APOL1: variants seen among roughly 807,000 people sequenced by gnomAD.
The protein encoded by APOL1 is apolipoprotein L1, also known as apolipoprotein L 1.
APOL1 carries 17 observed loss-of-function variants against 14.9 expected under a neutral mutation model. The observed-to-expected ratio is 1.14, with a 90% CI of 0.78 to 1.71. APOL1 has a LOEUF of 1.71. APOL1 is among the 40% of genes most tolerant of loss of function. The pLI is 0.00. For missense variants in APOL1, 523 were observed against 485.9 expected (o/e 1.08, Z -0.72); for synonymous variants, 195 against 184.8 (o/e 1.05, Z -0.45).
At chr22:36,261,505 A>G in intron 4 of APOL1, 91 bp from the exon 5 acceptor site, 1 of 1,387,974 alleles carries the variant, frequency 7.2e-7, no homozygotes, top group Non-Finnish European at 1.0e-6. Context: ...ACAGCTGTCC[A>G]GGAAAATTAA....
rs766190062 is a variant in APOL1, at chr22:36,265,453, T to C, written c.617T>C (p.Val206Ala). ...CCCTTCACAGAGGGAGGCAGCCTTGTACTCTTGGAACCTGGGATGGAGTTG... is the reference window on the plus strand; with the variant it reads ...CCCTTCACAGAGGGAGGCAGCCTTGCACTCTTGGAACCTGGGATGGAGTTG... ...LAPFTEGGSL[V>A]LLEPGMELGI... Residue 206 changes from valine (V) to alanine (A), a missense_variant, in exon 6 of 6, where the codon GTA becomes GCA. Physicochemically the swap from Val to Ala is moderately conservative, Grantham distance 64 (BLOSUM62 0). Transcript: ENST00000397278. 1 of 1,614,146 alleles carries C rather than the reference T, an allele frequency of 6.2e-7. No homozygotes were observed. Among genetic ancestry groups the C allele is most frequent in the South Asian group, 1.1e-5 (1 of 91,088 alleles).
chr22:36,259,709 C>T, intron 4 of APOL1: 3 of 1,303,788 alleles, frequency 2.3e-6, no homozygotes, highest in Non-Finnish European at 3.0e-6. Context: ...AGCCGTGTAC[C>T]CTGAGACCAG....
At position 36,265,690 on chromosome 22, in the gene APOL1, C is replaced by T. The variant is rs1355038299; in HGVS notation, c.854C>T (p.Ala285Val). The change falls in exon 6 of 6, where the codon GCC becomes GTC. Residue 285 changes from alanine (A) to valine (V), a missense_variant. By Grantham distance (64) the Ala-to-Val change is moderately conservative. Coordinates refer to ENST00000397278, the MANE Select transcript of APOL1 (RefSeq NM_003661.4). ...CGAGGCATTGGGAAGGACATCCGTG[C>T]CCTCAGACGAGCCAGAGCCAATCTT... is the stretch of plus-strand genomic sequence containing the variant. ...LTRGIGKDIRALRRARANLQS... is the reference protein window; with the variant it reads ...LTRGIGKDIRVLRRARANLQS... 1 of 1,608,056 alleles carries T rather than the reference C, an allele frequency of 6.2e-7. No individual in the cohort carries two copies.
intron 2 of APOL1, 103 bp from the exon 3 acceptor site, chr22:36,256,980 G>C (rs1021776964): frequency 1.5e-6 from 2 of 1,311,918 alleles, no homozygotes; most frequent in Admixed American, 4.0e-5. Flanking sequence ...GTCATTGTCA[G>C]AACCTTCCTC....
Position 36,265,782 on chromosome 22 carries a change from G to A in APOL1, c.946G>A (p.Glu316Lys), listed in dbSNP as rs2016233980. ...TGAGCCAATCTCAGCTGAAAGCGGTGAACAGGTGGAGAGGGTTAATGAACC... is the reference window on the plus strand; with the variant it reads ...TGAGCCAATCTCAGCTGAAAGCGGTAAACAGGTGGAGAGGGTTAATGAACC... ...VTEPISAESG[E>K]QVERVNEPSI... Residue 316 changes from glutamate (E) to lysine (K), a missense_variant, in exon 6 of 6, where the codon GAA becomes AAA. Transcript: ENST00000397278. 6.2e-7 allele frequency: 1 copy of A among 1,614,034 alleles called. No homozygotes were observed. The highest frequency in any genetic ancestry group is 1.1e-5 in the South Asian group (1 of 91,090).
intron 2 of APOL1, among the ~76,000 whole-genome samples, 160 bp downstream of exon 2, chr22:36,255,159 C>T (rs1018530457): frequency 2.0e-5 from 3 of 152,206 alleles, no homozygotes; most frequent in African/African-American, 7.2e-5. Flanking sequence ...AGGGAGGACC[C>T]GCTGTATCCT....
chr22:36,262,941 A>G (rs980354579), intron 5 of APOL1, among the ~76,000 whole-genome samples: 6 of 152,354 alleles, frequency 3.9e-5, no homozygotes, highest in Non-Finnish European at 7.3e-5. Flanking sequence ...CTTCCCAACC[A>G]AGGAGGAAAA....
chr22:36,256,782 AT>A (rs1478396467), intron 2 of APOL1, among the ~76,000 whole-genome samples: 6 of 152,236 alleles, frequency 3.9e-5, no homozygotes, highest in Non-Finnish European at 8.8e-5. Flanking sequence ...CTCTAGCACT[AT>A]TGTAAAAACA....
At chr22:36,259,835 C>A in intron 4 of APOL1, 2 of 1,304,286 alleles carry the variant, frequency 1.5e-6, no homozygotes, top group Non-Finnish European at 2.0e-6. Flanking sequence ...CCAAGACCAG[C>A]AGGAGGAATC....
chr22:36,260,909 A>G (rs775177943), intron 4 of APOL1, among the ~76,000 whole-genome samples: 11 of 152,240 alleles, frequency 7.2e-5, no homozygotes, highest in African/African-American at 2.4e-5. Flanking sequence ...CAATAATTTC[A>G]TAACCCAATG....
chr22:36,263,562 C>T (rs186964958), intron 5 of APOL1, among the ~76,000 whole-genome samples: 51 of 152,360 alleles, frequency 3.3e-4, no homozygotes, highest in African/African-American at 1.2e-3. Context: ...AAGAAAGAGA[C>T]ACACGGGGCA....
chr22:36,254,480 T>TCACTTGAGCCC (rs1295709409), intron 1 of APOL1, among the ~76,000 whole-genome samples: 6 of 152,106 alleles, frequency 3.9e-5, no homozygotes, highest in Non-Finnish European at 8.8e-5. Flanking sequence ...AGGAGGCGGA[T>TCACTTGAGCCC]CACTTGAGCC....
rs2016280250 is a variant in APOL1 at position 36,266,741 on chromosome 22, T to TA, written c.*713dup. On this transcript the variant is annotated 3_prime_UTR_variant, in exon 6 of 6. Transcript: ENST00000397278. ...TAACACAGTGAAACCCCGTCTCTAC[T>TA]AAAAATACAAAAAATTAGCCGGGCA... 1 of 332,920 alleles carries TA rather than the reference T, an allele frequency of 3.0e-6. No homozygotes were observed. Among genetic ancestry groups the TA allele is most frequent in the Non-Finnish European group, 5.5e-6 (1 of 183,330 alleles). 20.6% of individuals were successfully genotyped at this position (332,920 alleles called of 1,614,324 possible).
chr22:36,258,225 A>G (rs376452371), intron 4 of APOL1, among the ~76,000 whole-genome samples: 25 of 152,122 alleles, frequency 1.6e-4, no homozygotes, highest in African/African-American at 5.8e-4. Context: ...TGACTGCCTC[A>G]GGCAGGGGCT....
chr22:36,253,903 G>A (rs563563635), intron 1 of APOL1: 17 of 1,608,854 alleles, frequency 1.1e-5, no homozygotes, highest in Non-Finnish European at 1.4e-5. Flanking sequence ...GGCTGAGACA[G>A]GGGAGTGAGA....
At position 36,256,876 on chromosome 22, in the gene APOL1, C is replaced by T. The variant is rs552968558; in HGVS notation, c.45-207C>T. On this transcript the variant is annotated intron_variant, in intron 2 of 5. Coordinates refer to ENST00000397278, the MANE Select transcript of APOL1 (RefSeq NM_003661.4). Reference sequence around the variant, plus strand: ...CATCTCCTGGCCTGTGTGTGATCATCGAATGAGACACATGTAAGAGGCTCT... The same window carrying T: ...CATCTCCTGGCCTGTGTGTGATCATTGAATGAGACACATGTAAGAGGCTCT... Among the ~76,000 whole-genome samples the T allele has an allele frequency of 5.0e-4, 76 of 152,256 alleles. 2 individuals carry two copies. In the South Asian group the frequency reaches 0.012, roughly 24 times the overall value.
chr22:36,254,486 G>C (rs1238774393), intron 1 of APOL1, among the ~76,000 whole-genome samples: 2 of 152,132 alleles, frequency 1.3e-5, no homozygotes, highest in Admixed American at 1.3e-4. Context: ...CGGATCACTT[G>C]AGCCCAACAG....
In APOL1 at chr22:36,265,358, C is replaced by T. The variant is rs758612193; in HGVS notation, c.522C>T (p.Ile174=). The change falls in exon 6 of 6, where the codon ATC becomes ATT. Residue 174 remains isoleucine, a synonymous_variant. Transcript: ENST00000397278. ...AGAAGGTCCACAAAGGCACCACCATCGCCAATGTGGTGTCTGGCTCTCTCA... is the reference window on the plus strand; with the variant it reads ...AGAAGGTCCACAAAGGCACCACCATTGCCAATGTGGTGTCTGGCTCTCTCA... ...GVQKVHKGTT[I]ANVVSGSLSI... is the part of the protein sequence containing the mutation. 2.6e-5 allele frequency: 42 copies of T among 1,612,012 alleles called. No individual in the cohort carries two copies. Among genetic ancestry groups the T allele is most frequent in the Non-Finnish European group, 3.4e-5 (40 of 1,178,610 alleles).
chr22:36,258,221 C>A (rs1235991132), intron 4 of APOL1, among the ~76,000 whole-genome samples: 1 of 152,170 alleles, frequency 6.6e-6, no homozygotes, highest in Non-Finnish European at 1.5e-5. Flanking sequence ...GGGATGACTG[C>A]CTCAGGCAGG....
Sources: allele counts gnomAD v4.1 joint callset (sites outside exome capture counted in the v4.1 genomes callset), GRCh38; gene constraint gnomAD v4.1.1; transcripts MANE v1.5; gene names NCBI Gene and HGNC (gene_info 2026-07-23, HGNC 2026-07-21).